The following CTNNA3 variants were observed in gnomAD, a reference collection of about 807,000 sequenced individuals.
The protein encoded by CTNNA3 is catenin alpha 3.
In CTNNA3, 76 loss-of-function variants were observed where a neutral mutation model predicts 95.7. The ratio of observed to expected loss-of-function variants is 0.79; its 90% CI spans 0.66 to 0.96. The LOEUF is 0.96. Ranked by LOEUF, CTNNA3 falls within the 40% of genes least tolerant of loss-of-function variation. CTNNA3 has a pLI of 0.00. For missense variants in CTNNA3, 1,191 were observed against 1,089.8 expected (o/e 1.09, Z -1.31); for synonymous variants, 431 against 374.4 (o/e 1.15, Z -1.74).
intron 15 of CTNNA3, among the ~76,000 whole-genome samples, chr10:66,042,899 CAAAAAAAAAA>C (rs60090636): frequency 0.012 from 620 of 50,384 alleles, 3 homozygotes; most frequent in African/African-American, 0.046. Context: ...GACTCTGTCT[CAAAAAAAAAA>C]AAAAAAAAAA....
Position 67,441,427 on chromosome 10 carries a change from C to T in CTNNA3, c.579+80415G>A, listed in dbSNP as rs192384406. Among the ~76,000 whole-genome samples, 49 of 151,900 alleles carry T rather than the reference C, an allele frequency of 3.2e-4. No individual in the cohort carries two copies. In the East Asian group the frequency reaches 8.5e-3, roughly 26 times the overall value. The stretch of plus-strand genomic sequence containing the variant: ...TACAATATCAGAGAACTGCCCAAAC[C>T]CAGAGAAAGATATCAACATTCAAAT... On this transcript the variant is annotated intron_variant, in intron 5 of 17. Coordinates refer to ENST00000433211, the MANE Select transcript of CTNNA3 (RefSeq NM_013266.4).
At chr10:67,717,466 C>T (rs568147607) in intron 1 of CTNNA3, among the ~76,000 whole-genome samples, 22 of 152,198 alleles carry the variant, frequency 1.4e-4, no homozygotes, top group African/African-American at 4.3e-4. Context: ...ATATTTAAGC[C>T]TTTAATCCAT....
At chr10:66,696,115 G>A (rs1847753340) in intron 9 of CTNNA3, among the ~76,000 whole-genome samples, 1 of 152,066 alleles carries the variant, frequency 6.6e-6, no homozygotes, top group African/African-American at 2.4e-5. Context: ...GTCAGGTACA[G>A]CAAAGCAAAT....
At chr10:66,505,878 C>G (rs754974456) in intron 11 of CTNNA3, among the ~76,000 whole-genome samples, 13 of 152,126 alleles carry the variant, frequency 8.5e-5, no homozygotes, top group Non-Finnish European at 1.6e-4. Context: ...TTTCAGATGG[C>G]TTACTGTCTT....
At chr10:67,222,112 G>C (rs559103414) in intron 5 of CTNNA3, among the ~76,000 whole-genome samples, 1 of 152,268 alleles carries the variant, frequency 6.6e-6, no homozygotes, top group East Asian at 1.9e-4. Flanking sequence ...GTTGCATGAG[G>C]TTAATAAATG....
At chr10:66,220,158 A>G (rs1215298101) in intron 13 of CTNNA3, among the ~76,000 whole-genome samples, 1 of 152,158 alleles carries the variant, frequency 6.6e-6, no homozygotes, top group Non-Finnish European at 1.5e-5. Flanking sequence ...AAAGATATCC[A>G]CAAACACAGA....
chr10:66,922,703 A>G (rs2132605919), intron 7 of CTNNA3, among the ~76,000 whole-genome samples: 1 of 152,300 alleles, frequency 6.6e-6, no homozygotes, highest in African/African-American at 2.4e-5. Flanking sequence ...TTTTTTCCTT[A>G]ATATTATTTC....
At chr10:66,883,047 A>T (rs1844906004) in intron 7 of CTNNA3, among the ~76,000 whole-genome samples, 2 of 152,142 alleles carry the variant, frequency 1.3e-5, no homozygotes, top group Admixed American at 1.3e-4. Context: ...GCTCCTGGAG[A>T]TTGCAACGTA....
intron 3 of CTNNA3, among the ~76,000 whole-genome samples, chr10:67,551,280 G>A (rs1339226855): frequency 1.3e-5 from 2 of 152,182 alleles, no homozygotes; most frequent in African/African-American, 4.8e-5. Context: ...TGGACGTGAA[G>A]AGGACATCAA....
chr10:66,225,426 T>G (rs2089232891), intron 13 of CTNNA3, among the ~76,000 whole-genome samples: 1 of 144,202 alleles, frequency 6.9e-6, no homozygotes, highest in Non-Finnish European at 1.5e-5. Context: ...TATATATGAA[T>G]GAATAGTATT....
chr10:67,021,870 G>C (rs1853036805), intron 7 of CTNNA3, among the ~76,000 whole-genome samples: 1 of 152,140 alleles, frequency 6.6e-6, no homozygotes, highest in African/African-American at 2.4e-5. Context: ...TGAAGTACTA[G>C]GAGTTTGAAG....
intron 9 of CTNNA3, among the ~76,000 whole-genome samples, chr10:66,637,717 C>T (rs1052532328): frequency 2.0e-5 from 3 of 152,316 alleles, no homozygotes; most frequent in Middle Eastern, 6.8e-3. Flanking sequence ...AGCACCTCCC[C>T]CTTGGGACAC....
At chr10:67,655,946 A>G (rs1272498006) in intron 1 of CTNNA3, among the ~76,000 whole-genome samples, 3 of 152,212 alleles carry the variant, frequency 2.0e-5, no homozygotes, top group Non-Finnish European at 4.4e-5. Context: ...AATCATCACA[A>G]GAAGATTTAA....
chr10:66,801,370 A>T lies in CTNNA3; in HGVS notation c.1048-25846T>A, dbSNP rs577841987. Reference sequence around the variant, plus strand: ...TGGAATTTACAGACAACAAAGTAAAATCATGTGAAATTAATCTTCAAAATA... The same window carrying T: ...TGGAATTTACAGACAACAAAGTAAATTCATGTGAAATTAATCTTCAAAATA... On this transcript the variant is annotated intron_variant, in intron 7 of 17. Coordinates refer to ENST00000433211, the MANE Select transcript of CTNNA3 (RefSeq NM_013266.4). Among the ~76,000 whole-genome samples, 13 of 151,580 alleles carry T rather than the reference A, an allele frequency of 8.6e-5. No homozygotes were observed. In the South Asian group the frequency reaches 2.7e-3, roughly 31 times the overall value.
chr10:66,125,574 CAG>C (rs1214300827), intron 13 of CTNNA3, among the ~76,000 whole-genome samples: 2 of 152,038 alleles, frequency 1.3e-5, no homozygotes, highest in African/African-American at 4.8e-5. Context: ...TCATAGAAAA[CAG>C]AAATACTAAT....
chr10:66,102,097 G>A (rs545276024), intron 14 of CTNNA3, among the ~76,000 whole-genome samples: 227 of 152,138 alleles, frequency 1.5e-3, no homozygotes, highest in African/African-American at 5.3e-3. Context: ...CAGAGTATGC[G>A]CCAGCCTTTC....
intron 17 of CTNNA3, among the ~76,000 whole-genome samples, chr10:65,932,078 G>A (rs951888869): frequency 6.6e-6 from 1 of 152,170 alleles, no homozygotes. Flanking sequence ...CTGAAGGGAG[G>A]AGGGAAGTAG....
At chr10:67,431,956 T>C (rs1347238696) in intron 5 of CTNNA3, among the ~76,000 whole-genome samples, 2 of 151,990 alleles carry the variant, frequency 1.3e-5, no homozygotes, top group African/African-American at 4.8e-5. Flanking sequence ...ATTAGAAACC[T>C]GGGAACCATC....
chr10:67,581,191 A>C (rs529804199), intron 3 of CTNNA3, among the ~76,000 whole-genome samples: 1 of 152,056 alleles, frequency 6.6e-6, no homozygotes, highest in Non-Finnish European at 1.5e-5. Context: ...TATTGGCTGT[A>C]GGTTTCTCAT....
Sources: allele counts gnomAD v4.1 joint callset (sites outside exome capture counted in the v4.1 genomes callset), GRCh38; gene constraint gnomAD v4.1.1; transcripts MANE v1.5; gene names NCBI Gene and HGNC (gene_info 2026-07-23, HGNC 2026-07-21).